WWTR1: variants seen among roughly 807,000 people sequenced by gnomAD.
The protein encoded by WWTR1 is WW domain containing transcription regulator 1.
WWTR1 carries 13 observed loss-of-function variants against 40.1 expected under a neutral mutation model. The observed-to-expected ratio is 0.32, with a 90% confidence interval of 0.21 to 0.52. The LOEUF is 0.52. Among genes scored for constraint, WWTR1 ranks in the 20% least tolerant of loss-of-function variants. WWTR1 has a pLI of 0.97. For synonymous variants in WWTR1, 230 were observed against 210.1 expected (o/e 1.09, Z -0.82); for missense variants, 436 against 523.1 (o/e 0.83, Z 1.63).
chr3:149,699,633 G>T (rs998098817), intron 1 of WWTR1, among the ~76,000 whole-genome samples: 2 of 152,084 alleles, frequency 1.3e-5, no homozygotes, highest in African/African-American at 4.8e-5. Flanking sequence ...GACCCCTAGG[G>T]CATGAACACA....
intron 2 of WWTR1, among the ~76,000 whole-genome samples, chr3:149,586,623 G>A (rs1332401451): frequency 6.6e-6 from 1 of 152,116 alleles, no homozygotes; most frequent in Non-Finnish European, 1.5e-5. Context: ...AATTTTCTGG[G>A]TGATAGGAAC....
chr3:149,529,908 A>G (rs1735487532), intron 4 of WWTR1, among the ~76,000 whole-genome samples: 1 of 152,236 alleles, frequency 6.6e-6, no homozygotes, highest in African/African-American at 2.4e-5. Context: ...TTATCCAAAA[A>G]CATGAACTTT....
At chr3:149,683,893 C>G (rs1342350306) in intron 1 of WWTR1, among the ~76,000 whole-genome samples, 6 of 151,996 alleles carry the variant, frequency 3.9e-5, no homozygotes, top group Non-Finnish European at 8.8e-5. Flanking sequence ...TTGAGTGGCA[C>G]TGTGGGAGCA....
At chr3:149,594,636 T>A (rs1378468986) in intron 2 of WWTR1, among the ~76,000 whole-genome samples, 1 of 152,074 alleles carries the variant, frequency 6.6e-6, no homozygotes, top group Non-Finnish European at 1.5e-5. Context: ...GGAGAGACAC[T>A]TTTTGAATCA....
At chr3:149,646,145 T>C (rs943778743) in intron 2 of WWTR1, among the ~76,000 whole-genome samples, 7 of 152,162 alleles carry the variant, frequency 4.6e-5, no homozygotes, top group Non-Finnish European at 5.9e-5. Context: ...GAAGGATGGA[T>C]GGAAAAATAA....
chr3:149,702,063 CAAAA>C (rs550708809), intron 1 of WWTR1: 6 of 139,682 alleles, frequency 4.3e-5, no homozygotes, highest in East Asian at 1.4e-4. Context: ...GCAGATGTAA[CAAAA>C]AAAAAAAAAA....
chr3:149,628,227 G>A (rs1740669519), intron 2 of WWTR1, among the ~76,000 whole-genome samples: 1 of 151,090 alleles, frequency 6.6e-6, no homozygotes, highest in Non-Finnish European at 1.5e-5. Flanking sequence ...AAAATTAGCT[G>A]GGCGTGGTGG....
intron 2 of WWTR1, among the ~76,000 whole-genome samples, chr3:149,594,880 G>A (rs1027436250): frequency 2.9e-5 from 4 of 138,510 alleles, no homozygotes; most frequent in African/African-American, 1.1e-4. Context: ...ATAAAAGAAT[G>A]TCTTATTCTT....
intron 2 of WWTR1, among the ~76,000 whole-genome samples, chr3:149,611,406 G>A (rs1739736551): frequency 6.6e-6 from 1 of 152,122 alleles, no homozygotes; most frequent in South Asian, 2.1e-4. Flanking sequence ...CATTACAATG[G>A]CACAGTTGAG....
chr3:149,703,626 C>T (rs561335578), upstream of WWTR1, among the ~76,000 whole-genome samples: 50 of 152,202 alleles, frequency 3.3e-4, no homozygotes, highest in African/African-American at 1.2e-3. Flanking sequence ...ATGTGACCTC[C>T]AGTGTTGGAG....
At chr3:149,613,060 G>C (rs1739808070) in intron 2 of WWTR1, among the ~76,000 whole-genome samples, 2 of 152,300 alleles carry the variant, frequency 1.3e-5, no homozygotes, top group South Asian at 4.1e-4. Flanking sequence ...CAGGTGGGTA[G>C]GCTGGCAGCA....
At chr3:149,644,691 T>TA (rs1195882590) in intron 2 of WWTR1, among the ~76,000 whole-genome samples, 1 of 152,216 alleles carries the variant, frequency 6.6e-6, no homozygotes, top group Non-Finnish European at 1.5e-5. Flanking sequence ...ATGCTGTTTT[T>TA]ATCAGTCAAG....
intron 2 of WWTR1, among the ~76,000 whole-genome samples, chr3:149,597,445 A>AAG (rs1739048623): frequency 2.2e-5 from 3 of 135,954 alleles, no homozygotes; most frequent in Admixed American, 7.1e-5. Context: ...AAAAAAAAAA[A>AAG]AAGAAGAAGA....
chr3:149,562,065 C>T (rs1051607385), intron 3 of WWTR1, among the ~76,000 whole-genome samples: 6 of 152,070 alleles, frequency 3.9e-5, no homozygotes, highest in Admixed American at 6.6e-5. Context: ...GGGGCCGAGG[C>T]GGGCGGATCA....
intron 5 of WWTR1, among the ~76,000 whole-genome samples, chr3:149,715,619 C>A (rs1427001232): frequency 1.3e-5 from 2 of 152,174 alleles, no homozygotes; most frequent in African/African-American, 4.8e-5. Context: ...CGGAACAAGC[C>A]CAGAGGGCCT....
chr3:149,625,040 T>A lies in WWTR1; in HGVS notation c.431+31836A>T, dbSNP rs1025271981. On this transcript the variant is annotated intron_variant, in intron 2 of 6. Coordinates refer to ENST00000360632, the MANE Select transcript of WWTR1 (RefSeq NM_015472.6). ...GCCACCATGCCCGTACCATTCTTAA[T>A]CTTTACAGAAAGTCCTTTTTCAGGA... is the stretch of plus-strand genomic sequence containing the variant. Among the ~76,000 whole-genome samples the A allele has an allele frequency of 5.5e-4, 83 of 151,020 alleles. 1 individual carries two copies. Among genetic ancestry groups the A allele is most frequent in the Non-Finnish European group, 1.0e-3 (71 of 67,734 alleles).
intron 2 of WWTR1, among the ~76,000 whole-genome samples, chr3:149,668,537 G>T (rs35309732): frequency 0.2 from 29,817 of 148,890 alleles, 3,200 homozygotes; most frequent in Admixed American, 0.31. Flanking sequence ...GGGCCTGGGA[G>T]GCAGTGGTTG....
chr3:149,684,313 G>A (rs1403859605), intron 1 of WWTR1, among the ~76,000 whole-genome samples: 2 of 152,212 alleles, frequency 1.3e-5, no homozygotes, highest in East Asian at 1.9e-4. Context: ...CAGCCACCAC[G>A]CCCAGCTGAT....
chr3:149,672,736 T>C (rs1714135042), intron 1 of WWTR1, among the ~76,000 whole-genome samples: 1 of 151,420 alleles, frequency 6.6e-6, no homozygotes, highest in African/African-American at 2.4e-5. Flanking sequence ...AATCTTTCTA[T>C]AAAAAGATAT....
Sources: gnomAD v4.1 joint callset for allele counts (sites outside exome capture counted in the v4.1 genomes callset) on GRCh38, gnomAD v4.1.1 for gene constraint, MANE v1.5 for transcripts, NCBI Gene and HGNC (gene_info 2026-07-23, HGNC 2026-07-21) for gene names.